Variants in DIPK1A observed in about 807,000 individuals in gnomAD.
DIPK1A encodes the protein family with sequence similarity 69 member A.
A neutral mutation model predicts 40.8 loss-of-function variants in DIPK1A; 27 were observed. The observed-to-expected ratio is 0.66, with a 90% CI of 0.49 to 0.91. The LOEUF (loss-of-function observed/expected upper bound fraction) is 0.91, where lower values mean the gene tolerates loss of function less well. DIPK1A is among the 40% of genes least tolerant of loss of function. The probability of loss-of-function intolerance (pLI) is 0.00; values close to 1 mark genes in which losing one functional copy is unlikely to be tolerated. For missense variants in DIPK1A, 412 were observed against 505.7 expected, an observed-to-expected ratio of 0.81 and a Z score of 1.78; for synonymous variants, 166 against 171.3, an observed-to-expected ratio of 0.97 and a Z score of 0.24.
intron 1 of DIPK1A, among the ~76,000 whole-genome samples, chr1:92,926,555 A>G (rs565304253): frequency 2.0e-5 from 3 of 152,290 alleles, no homozygotes; most frequent in African/African-American, 7.2e-5. Context: ...AAGATCTTCT[A>G]TATCTGTACA....
At position 92,881,066 on chromosome 1, in the gene DIPK1A, G is replaced by A. The variant is rs539327681; in HGVS notation, c.55-4636C>T. 3.3e-5 allele frequency among the ~76,000 whole-genome samples: 5 copies of A among 150,032 alleles called. No homozygotes were observed. In the East Asian group the frequency reaches 7.8e-4, roughly 24 times the overall value. Reference sequence around the variant, plus strand: ...CGGGAGCCTGTAATCACAGCTACTCGGGAGGCTGAGGCAGGAGAATCGCTT... The same window carrying A: ...CGGGAGCCTGTAATCACAGCTACTCAGGAGGCTGAGGCAGGAGAATCGCTT... On this transcript the variant is annotated intron_variant, in intron 1 of 4. Transcript: ENST00000370310.
chr1:92,914,923 T>C (rs1281686889), intron 1 of DIPK1A, among the ~76,000 whole-genome samples: 3 of 151,356 alleles, frequency 2.0e-5, no homozygotes. Flanking sequence ...CCATCTCTAC[T>C]AAAAATACAA....
chr1:92,905,622 ACT>A (rs1327600196), intron 1 of DIPK1A, among the ~76,000 whole-genome samples: 2 of 151,996 alleles, frequency 1.3e-5, no homozygotes, highest in East Asian at 3.9e-4. Context: ...AAGCTTTTTA[ACT>A]TGACGTGATT....
chr1:92,944,056 GAAAC>G (rs1290711220), intron 1 of DIPK1A, among the ~76,000 whole-genome samples: 3 of 151,994 alleles, frequency 2.0e-5, no homozygotes, highest in Admixed American at 6.5e-5. Flanking sequence ...ACCATAAAAA[GAAAC>G]AAATAACTTT....
intron 2 of DIPK1A, among the ~76,000 whole-genome samples, chr1:92,862,593 C>T (rs1647327798): frequency 6.6e-6 from 1 of 152,190 alleles, no homozygotes. Flanking sequence ...CCTGCTTGTG[C>T]TGTCTCCTGT....
intron 1 of DIPK1A, among the ~76,000 whole-genome samples, chr1:92,948,565 T>C (rs1409725082): frequency 1.4e-5 from 2 of 147,820 alleles, no homozygotes; most frequent in Non-Finnish European, 3.0e-5. Context: ...ATTACAGGCA[T>C]GAGCCACCAC....
intron 1 of DIPK1A, among the ~76,000 whole-genome samples, chr1:92,924,452 G>A (rs776302745): frequency 1.3e-5 from 2 of 151,998 alleles, no homozygotes; most frequent in Non-Finnish European, 2.9e-5. Flanking sequence ...TAACCCGCAC[G>A]GATCAAGGGG....
At chr1:92,932,911 C>A (rs982851201) in intron 1 of DIPK1A, 1 of 152,058 alleles carries the variant, frequency 6.6e-6, no homozygotes, top group East Asian at 1.9e-4. Flanking sequence ...CAAGAGTAAA[C>A]CCTAATGTAA....
intron 4 of DIPK1A, chr1:92,833,775 G>T: frequency 1.2e-6 from 1 of 809,384 alleles, no homozygotes. Flanking sequence ...AAAGCATCCA[G>T]TGAATAATTT....
intron 4 of DIPK1A, chr1:92,833,259 G>C: frequency 1.3e-6 from 1 of 762,806 alleles, no homozygotes; most frequent in Admixed American, 2.3e-5. Flanking sequence ...TGTGAAACCT[G>C]GGATTCTACA....
intron 1 of DIPK1A, among the ~76,000 whole-genome samples, chr1:92,949,564 A>G (rs561521892): frequency 9.2e-5 from 14 of 152,346 alleles, no homozygotes; most frequent in East Asian, 7.7e-4. Flanking sequence ...AGCATGAGCC[A>G]CTGTGCCCAG....
chr1:92,893,197 T>C (rs1648979112), intron 1 of DIPK1A, among the ~76,000 whole-genome samples: 1 of 148,814 alleles, frequency 6.7e-6, no homozygotes, highest in Non-Finnish European at 1.5e-5. Context: ...AGACACATAA[T>C]TGTCAGAGTG....
intron 1 of DIPK1A, among the ~76,000 whole-genome samples, chr1:92,891,722 C>T (rs960326356): frequency 1.6e-4 from 25 of 152,142 alleles, no homozygotes; most frequent in Non-Finnish European, 2.6e-4. Context: ...TTGCCTCACC[C>T]GGGAAGAGGA....
At chr1:92,847,421 T>C (rs372686206) in intron 3 of DIPK1A, 62 bp from the exon 4 acceptor site, 3 of 1,112,460 alleles carry the variant, frequency 2.7e-6, no homozygotes, top group Non-Finnish European at 2.4e-6. Context: ...AAAAATATAC[T>C]ACTATATTTT....
chr1:92,961,444 G>T lies in DIPK1A; in HGVS notation c.-15C>A, dbSNP rs757804829. On this transcript the variant is annotated 5_prime_UTR_variant, in exon 1 of 5. Transcript: ENST00000370310. ...CTCCTCGCCATGGTAATCACACATC[G>T]CCCCGCCGCGCTGCAGTCAGAGGCG... 12 of 1,484,204 alleles carry T rather than the reference G, an allele frequency of 8.1e-6. No individual in the cohort carries two copies. Among genetic ancestry groups the T allele is most frequent in the Middle Eastern group, 2.0e-4 (1 of 4,988 alleles). 91.9% of individuals were successfully genotyped at this position (1,484,204 alleles called of 1,614,324 possible). A position where few individuals can be genotyped will look rare whatever the true frequency, so the allele number is the denominator to read the frequency against.
At chr1:92,842,124 C>A, downstream of DIPK1A, 1 of 869,742 alleles carries the variant, frequency 1.1e-6, no homozygotes, top group Non-Finnish European at 1.4e-6. Flanking sequence ...GAACAGCTCT[C>A]CCTAAAAATT....
At chr1:92,938,564 T>C (rs1353030967) in intron 1 of DIPK1A, among the ~76,000 whole-genome samples, 2 of 151,860 alleles carry the variant, frequency 1.3e-5, no homozygotes, top group Non-Finnish European at 2.9e-5. Flanking sequence ...ACTAGCCATT[T>C]CACTAATTTG....
chr1:92,940,280 T>C (rs1651102387), intron 1 of DIPK1A, among the ~76,000 whole-genome samples: 1 of 152,214 alleles, frequency 6.6e-6, no homozygotes, highest in Non-Finnish European at 1.5e-5. Flanking sequence ...GACTTGCCTT[T>C]CCTTTTTCTC....
rs574111682 is a variant in DIPK1A, at chr1:92,891,053, TTA to T, written c.55-14625_55-14624del. Among the ~76,000 whole-genome samples, 214 of 152,288 alleles carry T rather than the reference TTA, an allele frequency of 1.4e-3. 2 individuals are homozygous for T. Among genetic ancestry groups the T allele is most frequent in the African/African-American group, 5.0e-3 (207 of 41,580 alleles). On this transcript the variant is annotated intron_variant, in intron 1 of 4. Transcript: ENST00000370310. ...TCTTGGTTCAATCTTGGTAGAATGTTTATGTCCAAAAATTTATCCATTTCCTC... is the reference window on the plus strand; with the variant it reads ...TCTTGGTTCAATCTTGGTAGAATGTTTGTCCAAAAATTTATCCATTTCCTC...
Sources: gnomAD v4.1 joint callset for allele counts (sites outside exome capture counted in the v4.1 genomes callset) on GRCh38, gnomAD v4.1.1 for gene constraint, MANE v1.5 for transcripts, NCBI Gene and HGNC (gene_info 2026-07-23, HGNC 2026-07-21) for gene names.